ANK3: variants seen among roughly 807,000 people sequenced by gnomAD.
ANK3 encodes ankyrin 3.
ANK3 carries 57 observed loss-of-function variants against 370.9 expected under a neutral mutation model. The observed-to-expected ratio is 0.15, with a 90% CI of 0.12 to 0.19. The LOEUF is 0.19. Ranked by LOEUF, ANK3 falls within the 10% of genes least tolerant of loss-of-function variation. The probability of loss-of-function intolerance (pLI) is 1.00; values close to 1 mark genes in which losing one functional copy is unlikely to be tolerated. For missense variants in ANK3, 4,439 were observed against 5,302.1 expected, an observed-to-expected ratio of 0.84 and a Z score of 5.06; for synonymous variants, 1,929 against 1,946.3, an observed-to-expected ratio of 0.99 and a Z score of 0.23.
chr10:60,404,347 A>C (rs149273701), intron 2 of ANK3, among the ~76,000 whole-genome samples: 1 of 152,318 alleles, frequency 6.6e-6, no homozygotes, highest in East Asian at 1.9e-4. Flanking sequence ...AAAATTCACT[A>C]TTACAGAAAG....
intron 1 of ANK3, among the ~76,000 whole-genome samples, chr10:60,380,929 C>A (rs772701139): frequency 6.6e-6 from 1 of 152,064 alleles, no homozygotes; most frequent in South Asian, 2.1e-4. Flanking sequence ...GCAATCAGAT[C>A]GCAGGGAGAA....
intron 28 of ANK3, among the ~76,000 whole-genome samples, chr10:60,099,581 GACTT>G (rs1442972666): frequency 6.6e-6 from 1 of 152,128 alleles, no homozygotes; most frequent in Non-Finnish European, 1.5e-5. Context: ...CAGATTAAGA[GACTT>G]ACATTTGTTT....
At chr10:60,516,165 T>C (rs2076213320) in intron 2 of ANK3, among the ~76,000 whole-genome samples, 1 of 151,952 alleles carries the variant, frequency 6.6e-6, no homozygotes, top group African/African-American at 2.4e-5. Flanking sequence ...GAAGGTCACC[T>C]CCCTCCAACA....
At chr10:60,624,195 C>T (rs1401307015) in intron 1 of ANK3, among the ~76,000 whole-genome samples, 1 of 151,792 alleles carries the variant, frequency 6.6e-6, no homozygotes, top group Admixed American at 6.6e-5. Flanking sequence ...TACCCCTCAA[C>T]CTAAATTAAA....
At chr10:60,237,396 T>C (rs1364343429) in intron 7 of ANK3, among the ~76,000 whole-genome samples, 1 of 152,066 alleles carries the variant, frequency 6.6e-6, no homozygotes. Flanking sequence ...CTTCCCAGTG[T>C]GAGTAAGGGC....
chr10:60,558,140 G>A (rs2077252388), intron 2 of ANK3, among the ~76,000 whole-genome samples: 1 of 152,038 alleles, frequency 6.6e-6, no homozygotes, highest in African/African-American at 2.4e-5. Flanking sequence ...TTGAAAAGAT[G>A]AATTCAATAC....
At chr10:60,076,630 T>A (rs1056656270) in intron 36 of ANK3, among the ~76,000 whole-genome samples, 182 bp from the exon 37 acceptor site, 1 of 147,266 alleles carries the variant, frequency 6.8e-6, no homozygotes, top group Non-Finnish European at 1.5e-5. Flanking sequence ...AACAAATTTC[T>A]ACAGACATAA....
Position 60,083,453 on chromosome 10 carries a change from T to C in ANK3, c.4200+39A>G, listed in dbSNP as rs545283167. The C allele has an allele frequency of 5.1e-6, 8 of 1,583,082 alleles. No individual in the cohort carries two copies. In the South Asian group the frequency reaches 5.8e-5, roughly 11 times the overall value. On this transcript the variant is annotated intron_variant, in intron 33 of 43. Coordinates refer to ENST00000280772, the MANE Select transcript of ANK3 (RefSeq NM_020987.5). ...ATTTTTATTCTCTAAGAGTATTTTTTCCCCATAATTCACAGATTCTCTGTT... is the reference window on the plus strand; with the variant it reads ...ATTTTTATTCTCTAAGAGTATTTTTCCCCCATAATTCACAGATTCTCTGTT...
At chr10:60,333,554 G>A (rs1175455818) in intron 1 of ANK3, among the ~76,000 whole-genome samples, 1 of 152,154 alleles carries the variant, frequency 6.6e-6, no homozygotes, top group African/African-American at 2.4e-5. Context: ...TAACATTGAT[G>A]GGCATTTGGG....
In ANK3 at chr10:60,262,106, A is replaced by G. The variant is rs1463208406; in HGVS notation, c.700-149T>C. ...CTGTACTAGGTTTCGATCAGTGCCA[A>G]TTGCTCACAGGGTTTCTAATAAACC... On this transcript the variant is annotated intron_variant, in intron 6 of 43. Transcript: ENST00000280772. The G allele has an allele frequency of 2.2e-5, 14 of 644,132 alleles. 1 individual carries two copies. The South Asian group carries it at 2.4e-4, about 11-fold the overall frequency. 39.9% of individuals were successfully genotyped at this position (644,132 alleles called of 1,614,324 possible).
At chr10:60,113,614 G>A (rs986849421) in intron 26 of ANK3, among the ~76,000 whole-genome samples, 1 of 152,166 alleles carries the variant, frequency 6.6e-6, no homozygotes, top group Non-Finnish European at 1.5e-5. Context: ...AGAAACTGAG[G>A]TGGGAGAATG....
intron 25 of ANK3, 133 bp from the exon 26 acceptor site, chr10:60,114,464 T>C (rs1263372175): frequency 3.8e-5 from 17 of 443,212 alleles, no homozygotes; most frequent in Non-Finnish European, 1.2e-5. Context: ...TTTTAAATTC[T>C]CCTCTATAGA....
chr10:60,374,473 T>C (rs1409766149), intron 1 of ANK3, among the ~76,000 whole-genome samples: 1 of 152,092 alleles, frequency 6.6e-6, no homozygotes, highest in Non-Finnish European at 1.5e-5. Flanking sequence ...GAAGGAGTGA[T>C]TGCAGGCAGA....
Position 60,070,497 on chromosome 10 carries a change from T to C in ANK3, c.10384A>G (p.Ser3462Gly), listed in dbSNP as rs750462634. ...TCCTCCTCGATAACTTCAAGTTTACTTTGGCTAAAAGAGCGGTCAGCTGGC... is the reference window on the plus strand; with the variant it reads ...TCCTCCTCGATAACTTCAAGTTTACCTTGGCTAAAAGAGCGGTCAGCTGGC... ...LKPADRSFSQSKLEVIEEEGK... is the reference protein window; with the variant it reads ...LKPADRSFSQGKLEVIEEEGK... The change falls in exon 37 of 44, where the codon AGT becomes GGT. Residue 3462 changes from serine to glycine, a missense_variant. Ser to Gly is a moderately conservative substitution (Grantham distance 56). Coordinates refer to ENST00000280772, the MANE Select transcript of ANK3 (RefSeq NM_020987.5). The surrounding 1 kb of genome is among the most constrained non-coding windows in gnomAD (Gnocchi z 5.7). 3.1e-6 allele frequency: 5 copies of C among 1,614,206 alleles called. No individual in the cohort carries two copies. In the East Asian group the frequency reaches 6.7e-5, roughly 22 times the overall value.
In ANK3 at chr10:60,073,129, A is replaced by G; in HGVS notation, c.7752T>C (p.Ala2584=). ...EDRVDRTVKE[A]EEKLTEVSQF... is the part of the protein sequence containing the mutation. ...GTGACACTTCAGTCAGTTTTTCTTC[A>G]GCCTCCTTCACAGTCCTGTCCACCC... The change falls in exon 37 of 44, where the codon GCT becomes GCC. Residue 2584 remains alanine (A), a synonymous_variant. Coordinates refer to ENST00000280772, the MANE Select transcript of ANK3 (RefSeq NM_020987.5). 1 of 1,614,084 alleles carries G rather than the reference A, an allele frequency of 6.2e-7. No individual in the cohort carries two copies.
chr10:60,733,374 C>T (rs2080055958), exon 1 of ANK3: 2 of 1,224,534 alleles, frequency 1.6e-6, no homozygotes, highest in Non-Finnish European at 2.0e-6. Context: ...TCCTCCCCGT[C>T]CCGCTCCTCG....
At chr10:60,328,397 A>T (rs2050389443) in intron 1 of ANK3, among the ~76,000 whole-genome samples, 1 of 152,218 alleles carries the variant, frequency 6.6e-6, no homozygotes, top group African/African-American at 2.4e-5. Flanking sequence ...TTGCATCTTT[A>T]TTTATACTTA....
At chr10:60,458,327 C>A (rs772181506) in intron 2 of ANK3, among the ~76,000 whole-genome samples, 6 of 152,058 alleles carry the variant, frequency 3.9e-5, no homozygotes, top group Non-Finnish European at 8.8e-5. Context: ...CCCAGGTACT[C>A]CATAATTCCA....
At chr10:60,654,030 T>C (rs1457211098) in intron 1 of ANK3, among the ~76,000 whole-genome samples, 2 of 152,248 alleles carry the variant, frequency 1.3e-5, no homozygotes, top group Non-Finnish European at 2.9e-5. Flanking sequence ...TGTTTTTGTA[T>C]TTTTCATTGA....
Sources: gnomAD v4.1 joint callset for allele counts (sites outside exome capture counted in the v4.1 genomes callset) on GRCh38, gnomAD v4.1.1 for gene constraint, Gnocchi (gnomAD v3.1) non-coding constraint, MANE v1.5 for transcripts, NCBI Gene and HGNC (gene_info 2026-07-23, HGNC 2026-07-21) for gene names.